SP100: variants seen among roughly 807,000 people sequenced by gnomAD.
SP100 encodes the protein SP100 nuclear body protein, also known as nuclear autoantigen Sp-100.
Under a neutral mutation model 130.0 loss-of-function variants are expected in SP100, and 84 were observed. The ratio of observed to expected loss-of-function variants is 0.65; its 90% confidence interval spans 0.54 to 0.77. SP100 has a LOEUF of 0.77. Ranked by LOEUF, SP100 falls within the 30% of genes least tolerant of loss-of-function variation. The pLI, the probability that SP100 is intolerant of heterozygous loss-of-function variation, is 0.00. For synonymous variants in SP100, 331 were observed against 351.7 expected (o/e 0.94, Z 0.66); for missense variants, 978 against 1,052.2 (o/e 0.93, Z 0.97).
At chr2:230,471,033 C>T (rs140033606) in intron 15 of SP100, among the ~76,000 whole-genome samples, 6 of 151,824 alleles carry the variant, frequency 4.0e-5, no homozygotes, top group African/African-American at 1.2e-4. Flanking sequence ...AAATAAAAAT[C>T]GCAAACAGAC....
At chr2:230,540,352 A>G (rs1248869870) in intron 25 of SP100, among the ~76,000 whole-genome samples, 1 of 152,170 alleles carries the variant, frequency 6.6e-6, no homozygotes, top group Non-Finnish European at 1.5e-5. Flanking sequence ...AAGATATCTG[A>G]CACCTCTCTG....
At chr2:230,463,963 C>T (rs111311003) in intron 10 of SP100, 104 bp from the exon 11 acceptor site, 199 of 750,198 alleles carry the variant, frequency 2.7e-4, no homozygotes, top group African/African-American at 2.4e-3. Flanking sequence ...AGGACTTGCA[C>T]GGATTTTCAA....
chr2:230,506,319 T>C lies in SP100; in HGVS notation c.1887T>C (p.Cys629=). 2 of 1,613,858 alleles carry C rather than the reference T, an allele frequency of 1.2e-6. No individual in the cohort carries two copies. The highest frequency in any genetic ancestry group is 3.3e-5 in the Admixed American group (2 of 60,004). ...GTCTTACAGGAACCTCAAAGAAGTGTATACAGAGTGAGGATAAAAAGTGGT... is the reference window on the plus strand; with the variant it reads ...GTCTTACAGGAACCTCAAAGAAGTGCATACAGAGTGAGGATAAAAAGTGGT... ...ERFKQGTSKK[C]IQSEDKKWFT... is the part of the protein sequence containing the mutation. Residue 629 remains cysteine (C), a synonymous_variant, in exon 22 of 29, where the codon TGT becomes TGC. Transcript: ENST00000340126.
chr2:230,489,324 ATTCTCTGATG>A (rs1187017383), intron 17 of SP100, among the ~76,000 whole-genome samples: 5 of 151,994 alleles, frequency 3.3e-5, no homozygotes, highest in Non-Finnish European at 7.4e-5. Context: ...TGTTTATAGT[ATTCTCTGATG>A]GTAGTTTGTA....
intron 24 of SP100, among the ~76,000 whole-genome samples, chr2:230,524,520 T>C (rs1418349597): frequency 1.3e-5 from 2 of 152,158 alleles, no homozygotes; most frequent in Non-Finnish European, 2.9e-5. Flanking sequence ...TGCAGTTAAT[T>C]TAAAGTTCTT....
intron 8 of SP100, among the ~76,000 whole-genome samples, chr2:230,458,129 A>G (rs1321686968): frequency 4.6e-5 from 7 of 152,218 alleles, no homozygotes; most frequent in African/African-American, 2.4e-5. Flanking sequence ...CCAATGCCCC[A>G]TGCAGTCAAA....
chr2:230,515,225 A>G, intron 24 of SP100: 1 of 1,613,670 alleles, frequency 6.2e-7, no homozygotes, highest in Non-Finnish European at 8.5e-7. Context: ...AAGGCGGACA[A>G]GGCCCATTAT....
chr2:230,522,325 G>A (rs1204762000), intron 24 of SP100, among the ~76,000 whole-genome samples: 2 of 151,976 alleles, frequency 1.3e-5, no homozygotes, highest in East Asian at 1.9e-4. Flanking sequence ...ATACTGTTTA[G>A]CCCCAATATT....
intron 24 of SP100, among the ~76,000 whole-genome samples, chr2:230,535,817 G>A (rs1424417580): frequency 1.4e-5 from 2 of 146,214 alleles, no homozygotes; most frequent in Non-Finnish European, 3.0e-5. Flanking sequence ...TGAGGCAGGA[G>A]GATCACTTGA....
intron 24 of SP100, chr2:230,515,450 T>G: frequency 1.2e-6 from 2 of 1,613,774 alleles, no homozygotes; most frequent in Non-Finnish European, 1.7e-6. Flanking sequence ...GACAAGCAGT[T>G]TTATGAAAAG....
At chr2:230,424,505 G>GA (rs1411614004) in intron 2 of SP100, among the ~76,000 whole-genome samples, 2 of 151,842 alleles carry the variant, frequency 1.3e-5, no homozygotes, top group East Asian at 3.9e-4. Context: ...CATCTCTACT[G>GA]AAAAATACAA....
intron 23 of SP100, 182 bp downstream of exon 23, chr2:230,508,213 C>A: frequency 1.1e-6 from 1 of 874,942 alleles, no homozygotes. Context: ...CTTTGAACAT[C>A]AAAACGTTTG....
intron 26 of SP100, 49 bp downstream of exon 26, chr2:230,541,045 C>A: frequency 6.3e-7 from 1 of 1,576,776 alleles, no homozygotes; most frequent in Non-Finnish European, 8.6e-7. Context: ...TTCACCTGGG[C>A]AGGAGAAGCA....
chr2:230,446,218 C>T (rs567040644), intron 4 of SP100, among the ~76,000 whole-genome samples: 52 of 152,282 alleles, frequency 3.4e-4, no homozygotes, highest in African/African-American at 1.2e-3. Context: ...TAGTGATCCT[C>T]CCCCCTCAGC....
At chr2:230,428,236 T>A (rs1278798182) in intron 2 of SP100, among the ~76,000 whole-genome samples, 1 of 151,706 alleles carries the variant, frequency 6.6e-6, no homozygotes, top group Non-Finnish European at 1.5e-5. Context: ...TCAAAAAAAA[T>A]AAATAAATAA....
intron 8 of SP100, among the ~76,000 whole-genome samples, chr2:230,456,245 T>G (rs7595408): frequency 0.63 from 96,139 of 152,002 alleles, 31,418 homozygotes; most frequent in Non-Finnish European, 0.7. Context: ...ATTCTCTCCT[T>G]ATCTGTAAGG....
chr2:230,442,528 G>C (rs1354424239), intron 2 of SP100, among the ~76,000 whole-genome samples: 6 of 151,988 alleles, frequency 3.9e-5, no homozygotes, highest in African/African-American at 1.4e-4. Context: ...TCTCAGATTT[G>C]TTTTCTCTCA....
chr2:230,542,075 A>C (rs761078796), intron 28 of SP100, 40 bp downstream of exon 28: 1 of 1,600,912 alleles, frequency 6.2e-7, no homozygotes. Flanking sequence ...TTTCAATTAC[A>C]TCACTTTAAA....
At chr2:230,447,555 T>C (rs1248250431) in intron 5 of SP100, among the ~76,000 whole-genome samples, 1 of 152,168 alleles carries the variant, frequency 6.6e-6, no homozygotes, top group Non-Finnish European at 1.5e-5. Flanking sequence ...TTTCATACTT[T>C]CCTAGTAGAT....
Sources: allele counts gnomAD v4.1 joint callset (sites outside exome capture counted in the v4.1 genomes callset), GRCh38; gene constraint gnomAD v4.1.1; transcripts MANE v1.5; gene names NCBI Gene and HGNC (gene_info 2026-07-23, HGNC 2026-07-21).